The following DLG2 variants were observed in gnomAD, a reference collection of about 807,000 sequenced individuals.
The protein encoded by DLG2 is discs large MAGUK scaffold protein 2, also known as disks large homolog 2.
DLG2 carries 45 observed loss-of-function variants against 132.5 expected under a neutral mutation model. That is an observed-to-expected ratio of 0.34 (90% CI 0.27 to 0.44). The LOEUF (loss-of-function observed/expected upper bound fraction) is 0.44. Among genes scored for constraint, DLG2 ranks in the 20% least tolerant of loss-of-function variants. The pLI, the probability that DLG2 is intolerant of heterozygous loss-of-function variation, is 1.00. For missense variants in DLG2, 1,045 were observed against 1,196.9 expected, an observed-to-expected ratio of 0.87 and a Z score of 1.87; for synonymous variants, 424 against 419.6, an observed-to-expected ratio of 1.01 and a Z score of -0.13.
At chr11:84,352,844 C>T (rs943212068) in intron 7 of DLG2, among the ~76,000 whole-genome samples, 18 of 152,250 alleles carry the variant, frequency 1.2e-4, no homozygotes, top group African/African-American at 4.3e-4. Context: ...TGGGTGCTCA[C>T]AAATTATCTT....
At chr11:85,598,490 A>C (rs994055398) in intron 3 of DLG2, among the ~76,000 whole-genome samples, 167 bp downstream of exon 3, 3 of 152,164 alleles carry the variant, frequency 2.0e-5, no homozygotes, top group African/African-American at 4.8e-5. Flanking sequence ...ATATAAGGAA[A>C]AGGAAAACAA....
chr11:84,403,053 G>C (rs1466868323), intron 7 of DLG2, among the ~76,000 whole-genome samples: 1 of 150,664 alleles, frequency 6.6e-6, no homozygotes, highest in Non-Finnish European at 1.5e-5. Flanking sequence ...CTCAGACTGT[G>C]TTTTTTTTTA....
chr11:84,323,292 C>T (rs2098414778), intron 7 of DLG2, among the ~76,000 whole-genome samples: 1 of 152,120 alleles, frequency 6.6e-6, no homozygotes, highest in Admixed American at 6.6e-5. Context: ...CAGCATAATA[C>T]CATATTTGTC....
At chr11:84,874,371 T>C (rs955739279) in intron 6 of DLG2, among the ~76,000 whole-genome samples, 7 of 152,124 alleles carry the variant, frequency 4.6e-5, no homozygotes, top group South Asian at 2.1e-4. Flanking sequence ...GATTCTATTA[T>C]GGGAAGGAGC....
At chr11:84,197,877 G>T (rs1411386232) in intron 8 of DLG2, among the ~76,000 whole-genome samples, 1 of 152,100 alleles carries the variant, frequency 6.6e-6, no homozygotes, top group Admixed American at 6.5e-5. Flanking sequence ...ACTTCTCAGG[G>T]GCTACAGAAT....
intron 6 of DLG2, among the ~76,000 whole-genome samples, chr11:84,609,801 G>A (rs1444046325): frequency 6.6e-6 from 1 of 152,102 alleles, no homozygotes; most frequent in African/African-American, 2.4e-5. Flanking sequence ...AATGACACAT[G>A]GACTGGCAGC....
intron 19 of DLG2, among the ~76,000 whole-genome samples, chr11:83,555,567 C>T (rs938180845): frequency 2.0e-5 from 3 of 152,170 alleles, no homozygotes; most frequent in African/African-American, 4.8e-5. Flanking sequence ...CTGTTTCTCT[C>T]ACCAAAATCT....
intron 7 of DLG2, among the ~76,000 whole-genome samples, chr11:84,398,959 C>T (rs1323952073): frequency 6.6e-6 from 1 of 152,194 alleles, no homozygotes; most frequent in Non-Finnish European, 1.5e-5. Flanking sequence ...ATTTTCAGAA[C>T]TCTATGACAC....
intron 6 of DLG2, among the ~76,000 whole-genome samples, chr11:84,625,051 G>A (rs1260867802): frequency 6.7e-6 from 1 of 149,756 alleles, no homozygotes; most frequent in East Asian, 2.0e-4. Flanking sequence ...TAGTAGAGAC[G>A]GGGTTTCACC....
At chr11:84,254,701 A>G (rs777961121) in intron 7 of DLG2, among the ~76,000 whole-genome samples, 22 of 152,184 alleles carry the variant, frequency 1.4e-4, no homozygotes, top group Non-Finnish European at 2.2e-4. Context: ...TAATAATTTC[A>G]TAACTCTAGG....
chr11:84,783,923 T>G (rs2153919327), intron 6 of DLG2, among the ~76,000 whole-genome samples: 1 of 151,944 alleles, frequency 6.6e-6, no homozygotes, highest in East Asian at 1.9e-4. Flanking sequence ...CTAAGGGAGT[T>G]GGGAAGCAAA....
At chr11:83,697,171 A>G (rs1048032058) in intron 18 of DLG2, among the ~76,000 whole-genome samples, 1 of 152,226 alleles carries the variant, frequency 6.6e-6, no homozygotes, top group African/African-American at 2.4e-5. Flanking sequence ...TACTTTTTCT[A>G]CCTAACAATT....
intron 18 of DLG2, among the ~76,000 whole-genome samples, chr11:83,704,472 A>G (rs2083510170): frequency 6.6e-6 from 1 of 152,126 alleles, no homozygotes; most frequent in South Asian, 2.1e-4. Context: ...ATAAACATGT[A>G]ATACCATTAT....
chr11:83,882,250 A>G (rs566581203), intron 15 of DLG2, among the ~76,000 whole-genome samples: 43 of 152,318 alleles, frequency 2.8e-4, no homozygotes, highest in Non-Finnish European at 4.0e-4. Context: ...TCCAGAAAAA[A>G]TCTTGACCCT....
chr11:84,547,233 A>C (rs1171290723), intron 6 of DLG2, among the ~76,000 whole-genome samples: 1 of 152,174 alleles, frequency 6.6e-6, no homozygotes, highest in South Asian at 2.1e-4. Flanking sequence ...TTTGATTATA[A>C]AAAATTGGAA....
chr11:84,192,199 AC>A (rs1405477403), intron 8 of DLG2, among the ~76,000 whole-genome samples: 2 of 152,202 alleles, frequency 1.3e-5, no homozygotes, highest in Non-Finnish European at 2.9e-5. Context: ...AGGAGAAAAT[AC>A]TTTTAGTAAA....
At chr11:83,710,166 CTTTT>C (rs34223532) in intron 18 of DLG2, among the ~76,000 whole-genome samples, 1 of 145,262 alleles carries the variant, frequency 6.9e-6, no homozygotes, top group African/African-American at 2.5e-5. Context: ...AAATAAGGTA[CTTTT>C]TTTTTTTTTT....
At chr11:84,617,545 T>G (rs2099606681) in intron 6 of DLG2, among the ~76,000 whole-genome samples, 1 of 152,170 alleles carries the variant, frequency 6.6e-6, no homozygotes, top group South Asian at 2.1e-4. Context: ...TTCTAAATCC[T>G]TGAGGAATGG....
intron 3 of DLG2, among the ~76,000 whole-genome samples, chr11:85,305,815 ATTTC>A (rs1230093116): frequency 3.3e-5 from 5 of 152,074 alleles, no homozygotes; most frequent in Non-Finnish European, 5.9e-5. Context: ...GCCTGGCTGG[ATTTC>A]TTTCTTTTAT....
Sources: gnomAD v4.1 joint callset for allele counts (sites outside exome capture counted in the v4.1 genomes callset) on GRCh38, gnomAD v4.1.1 for gene constraint, MANE v1.5 for transcripts, NCBI Gene and HGNC (gene_info 2026-07-23, HGNC 2026-07-21) for gene names.